Variants in TENM2 observed in about 807,000 individuals in gnomAD.
TENM2 encodes teneurin-2.
Under a neutral mutation model 245.2 loss-of-function variants are expected in TENM2, and 52 were observed. The ratio of observed to expected loss-of-function variants is 0.21; its 90% CI spans 0.17 to 0.27. The LOEUF is 0.27. TENM2 is among the 10% of genes least tolerant of loss of function. The probability of loss-of-function intolerance (pLI) is 1.00; values close to 1 mark genes in which losing one functional copy is unlikely to be tolerated. For missense variants in TENM2, 3,046 were observed against 3,666.8 expected (o/e 0.83, Z 4.37); for synonymous variants, 1,363 against 1,438.9 (o/e 0.95, Z 1.19).
At chr5:168,204,082 C>T (rs1762153330) in intron 18 of TENM2, among the ~76,000 whole-genome samples, 1 of 152,016 alleles carries the variant, frequency 6.6e-6, no homozygotes, top group African/African-American at 2.4e-5. Context: ...GCCATCATAG[C>T]TCACTGCAAC....
intron 2 of TENM2, among the ~76,000 whole-genome samples, chr5:167,556,148 T>A (rs1357846121): frequency 6.6e-6 from 1 of 152,158 alleles, no homozygotes; most frequent in African/African-American, 2.4e-5. Context: ...TTACAACCAA[T>A]CAGATATGAG....
chr5:167,838,710 C>T (rs140166806), intron 2 of TENM2, among the ~76,000 whole-genome samples: 262 of 152,218 alleles, frequency 1.7e-3, no homozygotes, highest in African/African-American at 4.8e-3. Flanking sequence ...TGATCAAGCT[C>T]GGTTTTCTGA....
At chr5:167,168,287 C>G in the TENM2 span, 1 of 152,246 alleles carries the variant, frequency 6.6e-6, no homozygotes, top group African/African-American at 2.4e-5. Context: ...GCACAAAATA[C>G]AGTCCAAACT....
At chr5:167,965,683 C>T (rs1249711388) in intron 4 of TENM2, 1 of 152,114 alleles carries the variant, frequency 6.6e-6, no homozygotes, top group African/African-American at 2.4e-5. Flanking sequence ...ATACTTTTTG[C>T]TTGGCACTAA....
At chr5:167,112,069 A>G in the TENM2 span, among the ~76,000 whole-genome samples, 2 of 152,216 alleles carry the variant, frequency 1.3e-5, no homozygotes, top group Admixed American at 1.3e-4. Flanking sequence ...AGGCTGGGAC[A>G]TTAAAATGAT....
intron 5 of TENM2, among the ~76,000 whole-genome samples, chr5:168,016,094 A>G (rs1024158571): frequency 6.6e-6 from 1 of 152,186 alleles, no homozygotes; most frequent in Non-Finnish European, 1.5e-5. Flanking sequence ...CATAACATTT[A>G]TGCAACACTC....
At chr5:167,123,893 AC>A in the TENM2 span, among the ~76,000 whole-genome samples, 1 of 152,238 alleles carries the variant, frequency 6.6e-6, no homozygotes, top group Non-Finnish European at 1.5e-5. Flanking sequence ...CATTGGCAAT[AC>A]ATTTTCAATT....
In TENM2 at chr5:167,459,993, C is replaced by G. The variant is rs1376442956; in HGVS notation, c.502+84520C>G. On this transcript the variant is annotated intron_variant, in intron 2 of 28. Coordinates refer to ENST00000518659, the Ensembl canonical transcript of TENM2. ...TATATATATACAAACATCAAATAAA[C>G]TTTTGTGTCTTTTATGAAAAATACG... Among the ~76,000 whole-genome samples, 17 of 151,832 alleles carry G rather than the reference C, an allele frequency of 1.1e-4. No individual in the cohort carries two copies. In the South Asian group the frequency reaches 2.9e-3, roughly 26 times the overall value.
intron 9 of TENM2, among the ~76,000 whole-genome samples, chr5:168,111,448 G>C (rs1794662555): frequency 6.6e-6 from 1 of 152,104 alleles, no homozygotes; most frequent in African/African-American, 2.4e-5. Flanking sequence ...TTGGGGGAGG[G>C]CTGTTCAGGT....
chr5:168,102,891 T>A (rs538109245), intron 9 of TENM2, among the ~76,000 whole-genome samples: 94 of 152,344 alleles, frequency 6.2e-4, no homozygotes, highest in African/African-American at 2.0e-3. Context: ...CTATTTTTTT[T>A]AATTATACTT....
At chr5:167,952,886 G>C in intron 4 of TENM2, 64 bp downstream of exon 6, 1 of 1,347,670 alleles carries the variant, frequency 7.4e-7, no homozygotes, top group South Asian at 1.3e-5. Context: ...TCACCACACA[G>C]AGCCACTGGG....
At chr5:167,687,760 CTCTG>C (rs1757170827) in intron 2 of TENM2, among the ~76,000 whole-genome samples, 1 of 152,172 alleles carries the variant, frequency 6.6e-6, no homozygotes, top group South Asian at 2.1e-4. Flanking sequence ...CTTTCTTCCT[CTCTG>C]TCTCTCTCCT....
chr5:168,213,458 G>A (rs1762939061), intron 20 of TENM2, among the ~76,000 whole-genome samples: 1 of 152,040 alleles, frequency 6.6e-6, no homozygotes, highest in Non-Finnish European at 1.5e-5. Context: ...TGCATCCAAT[G>A]CTGTCATCTC....
chr5:167,305,802 G>A (rs1482046938), intron 1 of TENM2, among the ~76,000 whole-genome samples: 1 of 152,156 alleles, frequency 6.6e-6, no homozygotes, highest in Non-Finnish European at 1.5e-5. Context: ...GCCCTGCATT[G>A]AGTACGTCAT....
At chr5:167,681,029 G>GT (rs1157422611) in intron 2 of TENM2, among the ~76,000 whole-genome samples, 6 of 152,112 alleles carry the variant, frequency 3.9e-5, no homozygotes, top group Non-Finnish European at 8.8e-5. Flanking sequence ...CTACAAAATG[G>GT]TTTTCAAATT....
the TENM2 span, among the ~76,000 whole-genome samples, chr5:167,002,473 G>C: frequency 6.6e-6 from 1 of 151,910 alleles, no homozygotes; most frequent in Non-Finnish European, 1.5e-5. Flanking sequence ...AAAGCAATCT[G>C]GAGTAAAATA....
chr5:167,877,798 T>C (rs1773552547), intron 3 of TENM2, among the ~76,000 whole-genome samples: 1 of 152,260 alleles, frequency 6.6e-6, no homozygotes, highest in Non-Finnish European at 1.5e-5. Context: ...ATTCCCTTTT[T>C]ACTTTCATCA....
chr5:167,300,126 G>A (rs924834892), intron 1 of TENM2, among the ~76,000 whole-genome samples: 1 of 152,180 alleles, frequency 6.6e-6, no homozygotes, highest in South Asian at 2.1e-4. Context: ...ACCATGCCTA[G>A]GAAGGAAAGG....
intron 2 of TENM2, among the ~76,000 whole-genome samples, chr5:167,486,617 C>T (rs191951890): frequency 2.6e-5 from 4 of 152,240 alleles, no homozygotes; most frequent in African/African-American, 7.2e-5. Flanking sequence ...CGTTAGCCAC[C>T]GTGCCCGGCC....
Sources: allele counts gnomAD v4.1 joint callset (sites outside exome capture counted in the v4.1 genomes callset), GRCh38; gene constraint gnomAD v4.1.1; transcripts MANE v1.5; gene names NCBI Gene and HGNC (gene_info 2026-07-23, HGNC 2026-07-21).